Variants in UQCRC2 observed in about 807,000 individuals in gnomAD.
UQCRC2 encodes ubiquinol-cytochrome c reductase core protein 2.
A neutral mutation model predicts 55.6 loss-of-function variants in UQCRC2; 49 were observed. The ratio of observed to expected loss-of-function variants is 0.88; its 90% CI spans 0.70 to 1.12. The LOEUF is 1.12. Among genes scored for constraint, UQCRC2 ranks in the 50% most tolerant of loss-of-function variants. UQCRC2 has a pLI of 0.00. For synonymous variants in UQCRC2, 193 were observed against 192.0 expected (o/e 1.01, Z -0.04); for missense variants, 506 against 547.8 (o/e 0.92, Z 0.76).
rs1483632051 is a variant in UQCRC2, at chr16:21,983,566, G to C, written c.*395G>C. ...AAGCAAGTTCAAAATTTGTCATTTT[G>C]GGTGTCAACAGCTAAATGGTCTGGT... On this transcript the variant is annotated 3_prime_UTR_variant, in exon 14 of 14. Coordinates refer to ENST00000268379, the MANE Select transcript of UQCRC2 (RefSeq NM_003366.4). 1 of 242,752 alleles carries C rather than the reference G, an allele frequency of 4.1e-6. No individual in the cohort carries two copies. The highest frequency in any genetic ancestry group is 7.8e-6 in the Non-Finnish European group (1 of 128,700). The allele number at this position is 242,752 out of a possible 1,614,324, so 15.0% of individuals were successfully genotyped here.
At chr16:21,971,067 T>C (rs1440374614) in intron 8 of UQCRC2, among the ~76,000 whole-genome samples, 1 of 152,186 alleles carries the variant, frequency 6.6e-6, no homozygotes, top group African/African-American at 2.4e-5. Flanking sequence ...TGTTCTTTGA[T>C]GGACAATGCA....
intron 4 of UQCRC2, among the ~76,000 whole-genome samples, chr16:21,959,086 G>A (rs1009726862): frequency 3.3e-5 from 5 of 152,306 alleles, no homozygotes; most frequent in South Asian, 2.1e-4. Flanking sequence ...TTGCCTCCAC[G>A]TTAATGGCTG....
rs1567476273 is a variant in UQCRC2 at position 21,971,623 on chromosome 16, A to G, written c.766+3A>G. 1 of 1,613,158 alleles carries G rather than the reference A, an allele frequency of 6.2e-7. No individual in the cohort carries two copies. Among genetic ancestry groups the G allele is most frequent in the African/African-American group, 1.3e-5 (1 of 74,946 alleles). On this transcript the variant is annotated splice_donor_region_variant and intron_variant, in intron 9 of 13. Transcript: ENST00000268379. ...TGCAAAGGCCAACTACCGTGGAGGT[A>G]AGCATTTCATTCTATTAGGGTTAAT...
Position 21,983,305 on chromosome 16 carries a change from A to C in UQCRC2, c.*134A>C. On this transcript the variant is annotated 3_prime_UTR_variant, in exon 14 of 14. Coordinates refer to ENST00000268379, the MANE Select transcript of UQCRC2 (RefSeq NM_003366.4). ...GTAAAATAAGGCATAAATGCAGGTAATTATTCCCAGCTGACCTAAAGTCAA... is the reference window on the plus strand; with the variant it reads ...GTAAAATAAGGCATAAATGCAGGTACTTATTCCCAGCTGACCTAAAGTCAA... 3 of 709,218 alleles carry C rather than the reference A, an allele frequency of 4.2e-6. No individual in the cohort carries two copies. Among genetic ancestry groups the C allele is most frequent in the Non-Finnish European group, 4.6e-6 (2 of 437,238 alleles). The allele number at this position is 709,218 out of a possible 1,614,324, so 43.9% of individuals were successfully genotyped here.
chr16:21,962,661 A>T (rs757433587), intron 5 of UQCRC2, 100 bp from the exon 6 acceptor site: 57 of 1,595,582 alleles, frequency 3.6e-5, no homozygotes, highest in Non-Finnish European at 4.4e-5. Flanking sequence ...GCTTACCACA[A>T]GACCTAAAGT....
Position 21,983,215 on chromosome 16 carries a change from C to A in UQCRC2, c.*44C>A. 1.3e-6 allele frequency: 2 copies of A among 1,545,340 alleles called. No homozygotes were observed. The highest frequency in any genetic ancestry group is 1.8e-6 in the Non-Finnish European group (2 of 1,125,528). On this transcript the variant is annotated 3_prime_UTR_variant, in exon 14 of 14. Transcript: ENST00000268379. ...AGGAGAGAGCTGAACGTTCTCTCAG[C>A]CCAGAGCAGCAAACACATGAAAGTC...
chr16:21,957,144 C>A, intron 1 of UQCRC2, 91 bp from the exon 2 acceptor site: 1 of 1,256,006 alleles, frequency 8.0e-7, no homozygotes, highest in Non-Finnish European at 1.1e-6. Context: ...CCCGAACACC[C>A]TCTGTCGCTT....
At chr16:21,963,812 A>G (rs918254419) in intron 6 of UQCRC2, among the ~76,000 whole-genome samples, 1 of 151,996 alleles carries the variant, frequency 6.6e-6, no homozygotes, top group Admixed American at 6.6e-5. Flanking sequence ...CAAATCCTAC[A>G]CCAGTTTATT....
intron 4 of UQCRC2, among the ~76,000 whole-genome samples, chr16:21,961,626 T>TTATATATACA (rs1898201132): frequency 1.6e-5 from 1 of 64,476 alleles, no homozygotes; most frequent in South Asian, 4.9e-4. Flanking sequence ...AACATAAAAT[T>TTATATATACA]TATATATATA....
At chr16:21,955,054 CAAAAAA>C (rs11388256) in intron 1 of UQCRC2, among the ~76,000 whole-genome samples, 79 of 101,864 alleles carry the variant, frequency 7.8e-4, no homozygotes, top group African/African-American at 3.0e-3. Context: ...GACTCCGTCT[CAAAAAA>C]AAAAAAAAAA....
intron 1 of UQCRC2, 105 bp downstream of exon 1, chr16:21,953,561 C>T (rs896109306): frequency 3.5e-6 from 5 of 1,436,684 alleles, no homozygotes; most frequent in Admixed American, 4.6e-5. Context: ...GGGATTCGGT[C>T]TGCCCTTCAG....
intron 6 of UQCRC2, among the ~76,000 whole-genome samples, chr16:21,964,637 C>T (rs995313357): frequency 3.3e-5 from 5 of 152,196 alleles, no homozygotes; most frequent in African/African-American, 1.2e-4. Context: ...GAAACACCAG[C>T]TCATTCTGTA....
intron 4 of UQCRC2, among the ~76,000 whole-genome samples, chr16:21,961,626 TTATATATATATATA>T (rs67999727): frequency 0.15 from 9,372 of 64,348 alleles, 950 homozygotes; most frequent in African/African-American, 0.22. Flanking sequence ...AACATAAAAT[TTATATATATATATA>T]TATATATATA....
At chr16:21,965,288 C>T in intron 6 of UQCRC2, 120 bp from the exon 7 acceptor site, 1 of 813,142 alleles carries the variant, frequency 1.2e-6, no homozygotes, top group Non-Finnish European at 2.0e-6. Flanking sequence ...TTTAAGTCCT[C>T]TTAACATATG....
intron 5 of UQCRC2, 106 bp from the exon 6 acceptor site, chr16:21,962,655 A>G: frequency 6.3e-7 from 1 of 1,592,704 alleles, no homozygotes; most frequent in South Asian, 1.1e-5. Context: ...AACACTGCTT[A>G]CCACAAGACC....
chr16:21,961,368 A>C (rs1898194054), intron 4 of UQCRC2: 1 of 440,502 alleles, frequency 2.3e-6, no homozygotes, highest in South Asian at 1.6e-5. Flanking sequence ...TGAGACCACT[A>C]TACAGCCATT....
chr16:21,971,813 G>A (rs985707776), intron 9 of UQCRC2, 110 bp from the exon 10 acceptor site: 21 of 1,490,088 alleles, frequency 1.4e-5, no homozygotes, highest in Non-Finnish European at 1.8e-5. Context: ...AAAGCACCGA[G>A]CTGCAGAAAA....
Position 21,972,142 on chromosome 16 carries a change from ATCTC to A in UQCRC2, c.966+24_966+27del. On this transcript the variant is annotated intron_variant, in intron 10 of 13. Transcript: ENST00000268379. ...TTTGATGTGAGTCTGAACAGTTGGT[ATCTC>A]TCTTTTTGCTTTCAAAGGCTCAGTA... is the stretch of plus-strand genomic sequence containing the variant. The A allele has an allele frequency of 6.2e-7, 1 of 1,604,874 alleles. No homozygotes were observed. Among genetic ancestry groups the A allele is most frequent in the Non-Finnish European group, 8.5e-7 (1 of 1,175,116 alleles).
chr16:21,970,838 G>A (rs1248396462), intron 8 of UQCRC2, among the ~76,000 whole-genome samples: 3 of 152,156 alleles, frequency 2.0e-5, no homozygotes, highest in Non-Finnish European at 2.9e-5. Flanking sequence ...CACTTGCCTC[G>A]GCCTCCCAAA....
Sources: allele counts gnomAD v4.1 joint callset (sites outside exome capture counted in the v4.1 genomes callset), GRCh38; gene constraint gnomAD v4.1.1; transcripts MANE v1.5; gene names NCBI Gene and HGNC (gene_info 2026-07-23, HGNC 2026-07-21).